Variants in TIAL1 observed in about 807,000 individuals in gnomAD.
TIAL1 encodes nucleolysin TIAR.
Under a neutral mutation model 59.7 loss-of-function variants are expected in TIAL1, and 7 were observed. The observed-to-expected ratio is 0.12, with a 90% CI of 0.07 to 0.22. TIAL1 has a LOEUF of 0.22. Ranked by LOEUF, TIAL1 falls within the 10% of genes least tolerant of loss-of-function variation. TIAL1 has a pLI of 1.00. For synonymous variants in TIAL1, 149 were observed against 146.3 expected, an observed-to-expected ratio of 1.02 and a Z score of -0.13; for missense variants, 225 against 462.5, an observed-to-expected ratio of 0.49 and a Z score of 4.71.
intron 2 of TIAL1, among the ~76,000 whole-genome samples, chr10:119,584,328 A>C (rs1845440505): frequency 6.6e-6 from 1 of 152,146 alleles, no homozygotes; most frequent in African/African-American, 2.4e-5. Flanking sequence ...AGAATCAATA[A>C]TATATATTTG....
intron 1 of TIAL1, among the ~76,000 whole-genome samples, chr10:119,594,781 C>T (rs980813381): frequency 6.6e-6 from 1 of 152,152 alleles, no homozygotes; most frequent in Non-Finnish European, 1.5e-5. Flanking sequence ...CGCGCCACCA[C>T]GCCCAGCTAA....
chr10:119,588,401 T>C (rs775652446), intron 1 of TIAL1, 153 bp from the exon 2 acceptor site: 1 of 450,536 alleles, frequency 2.2e-6, no homozygotes, highest in Non-Finnish European at 3.9e-6. Context: ...TGGAGTGCAA[T>C]GGCATGATCT....
At chr10:119,596,295 T>C (rs911190728) in intron 1 of TIAL1, 139 bp downstream of exon 1, 2 of 829,280 alleles carry the variant, frequency 2.4e-6, no homozygotes, top group Non-Finnish European at 4.0e-6. Context: ...AGATGAGGAA[T>C]GCACTTCGCG....
intron 1 of TIAL1, among the ~76,000 whole-genome samples, chr10:119,593,945 G>A (rs1037730753): frequency 1.3e-5 from 2 of 151,862 alleles, no homozygotes; most frequent in African/African-American, 4.8e-5. Flanking sequence ...TTTTAAAAAA[G>A]AACTTAATAC....
At chr10:119,577,849 G>T in intron 7 of TIAL1, 113 bp from the exon 8 acceptor site, 3 of 867,232 alleles carry the variant, frequency 3.5e-6, no homozygotes, top group Non-Finnish European at 5.4e-6. Flanking sequence ...CAGCACTTTG[G>T]GAGGCTGAGG....
chr10:119,585,714 A>G (rs1845539766), intron 2 of TIAL1, among the ~76,000 whole-genome samples: 1 of 152,138 alleles, frequency 6.6e-6, no homozygotes, highest in Non-Finnish European at 1.5e-5. Context: ...GTCTTTCCCC[A>G]CTTTCTCACA....
chr10:119,578,302 GAC>G (rs1164429026), intron 7 of TIAL1, among the ~76,000 whole-genome samples: 1 of 147,702 alleles, frequency 6.8e-6, no homozygotes, highest in African/African-American at 2.5e-5. Flanking sequence ...GCTATGATTT[GAC>G]ACAGACTTGA....
chr10:119,580,742 T>C, intron 5 of TIAL1: 1 of 1,046,860 alleles, frequency 9.6e-7, no homozygotes, highest in Non-Finnish European at 1.2e-6. Flanking sequence ...AAATAATGTA[T>C]AATAAGAATA....
chr10:119,574,499 A>C lies in TIAL1; in HGVS notation c.*1166T>G, dbSNP rs1490041458. 6.6e-6 allele frequency: 1 copy of C among 152,248 alleles called. No homozygotes were observed. Among genetic ancestry groups the C allele is most frequent in the Non-Finnish European group, 1.5e-5 (1 of 67,938 alleles). 9.4% of individuals were successfully genotyped at this position (152,248 alleles called of 1,614,324 possible). On this transcript the variant is annotated 3_prime_UTR_variant, in exon 12 of 12. Transcript: ENST00000436547. ...TTAAAAACACCCCAAGATTTTTAAA[A>C]AACACTTGTACTATACAACTTATAG... is the stretch of plus-strand genomic sequence containing the variant.
At chr10:119,584,559 G>C (rs1564738915) in intron 2 of TIAL1, among the ~76,000 whole-genome samples, 1 of 151,938 alleles carries the variant, frequency 6.6e-6, no homozygotes, top group South Asian at 2.1e-4. Flanking sequence ...GGGTGCAGTG[G>C]CTCACACCTG....
intron 5 of TIAL1, among the ~76,000 whole-genome samples, chr10:119,581,194 T>C (rs1020728809): frequency 6.6e-6 from 1 of 152,050 alleles, no homozygotes; most frequent in African/African-American, 2.4e-5. Flanking sequence ...GAAAGATAAA[T>C]TATGATAAAC....
Position 119,575,604 on chromosome 10 carries a change from T to A in TIAL1, c.*61A>T. ...TTTTCCGATGTCTACTTTCATGTCT[T>A]CAGAGTGTCACAGGAAATCGAAGCC... is the stretch of plus-strand genomic sequence containing the variant. On this transcript the variant is annotated 3_prime_UTR_variant, in exon 12 of 12. Transcript: ENST00000436547. The A allele has an allele frequency of 1.3e-6, 2 of 1,592,060 alleles. No homozygotes were observed. Among genetic ancestry groups the A allele is most frequent in the Non-Finnish European group, 1.7e-6 (2 of 1,161,230 alleles).
chr10:119,580,300 C>A, intron 5 of TIAL1: 1 of 338,226 alleles, frequency 3.0e-6, no homozygotes, highest in Non-Finnish European at 5.1e-6. Flanking sequence ...TTCTAATATT[C>A]TATTTACTAG....
At chr10:119,580,169 T>C (rs768746830) in intron 5 of TIAL1, 159 bp from the exon 6 acceptor site, 14 of 530,236 alleles carry the variant, frequency 2.6e-5, no homozygotes, top group Non-Finnish European at 4.1e-5. Flanking sequence ...AATGCTTCTT[T>C]ACCTGTTAGA....
Position 119,582,758 on chromosome 10 carries a change from A to G in TIAL1, c.130-201T>C, listed in dbSNP as rs1243169615. ...CAGAATACTGCTGAACTCAAACGGA[A>G]CTATAAAAGCAGTTGTAGAATCATG... On this transcript the variant is annotated intron_variant, in intron 2 of 11. Coordinates refer to ENST00000436547, the MANE Select transcript of TIAL1 (RefSeq NM_003252.4). The surrounding 1 kb of genome is among the most constrained non-coding windows in gnomAD (Gnocchi z 5.1). 1 of 662,714 alleles carries G rather than the reference A, an allele frequency of 1.5e-6. No individual in the cohort carries two copies. Among genetic ancestry groups the G allele is most frequent in the Non-Finnish European group, 2.3e-6 (1 of 434,122 alleles). 41.1% of individuals were successfully genotyped at this position (662,714 alleles called of 1,614,324 possible).
At chr10:119,592,763 T>TCACACA (rs55740460) in intron 1 of TIAL1, among the ~76,000 whole-genome samples, 13 of 149,964 alleles carry the variant, frequency 8.7e-5, no homozygotes, top group East Asian at 3.9e-4. Context: ...TGAGATATTC[T>TCACACA]CACACACACA....
Position 119,582,596 on chromosome 10 carries a change from T to C in TIAL1, c.130-39A>G, listed in dbSNP as rs772953372. 1.9e-6 allele frequency: 3 copies of C among 1,600,722 alleles called. No homozygotes were observed. The highest frequency in any genetic ancestry group is 2.6e-6 in the Non-Finnish European group (3 of 1,175,628). On this transcript the variant is annotated intron_variant, in intron 2 of 11. Coordinates refer to ENST00000436547, the MANE Select transcript of TIAL1 (RefSeq NM_003252.4). The surrounding 1 kb of genome is among the most constrained non-coding windows in gnomAD (Gnocchi z 5.1). ...AATCCAACAGAAGAGTTGACCCTTC[T>C]GCTATCGGGTTGCTGAGAAGAAAAT...
At chr10:119,596,147 A>T (rs1846174772) in intron 1 of TIAL1, among the ~76,000 whole-genome samples, 1 of 151,950 alleles carries the variant, frequency 6.6e-6, no homozygotes, top group South Asian at 2.1e-4. Flanking sequence ...TGGGCCTGAC[A>T]GCCTCAGCCG....
intron 2 of TIAL1, among the ~76,000 whole-genome samples, chr10:119,584,293 T>A (rs776138392): frequency 6.6e-6 from 1 of 152,106 alleles, no homozygotes; most frequent in African/African-American, 2.4e-5. Flanking sequence ...CTGTCAGATA[T>A]TAAAATTCTA....
Sources: gnomAD v4.1 joint callset for allele counts (sites outside exome capture counted in the v4.1 genomes callset) on GRCh38, gnomAD v4.1.1 for gene constraint, Gnocchi (gnomAD v3.1) non-coding constraint, MANE v1.5 for transcripts, NCBI Gene and HGNC (gene_info 2026-07-23, HGNC 2026-07-21) for gene names.